CA2: variants seen among roughly 807,000 people sequenced by gnomAD.
CA2 encodes the protein carbonate dehydratase II.
Under a neutral mutation model 27.8 loss-of-function variants are expected in CA2, and 23 were observed. That is an observed-to-expected ratio of 0.83 (90% CI 0.59 to 1.17). CA2 has a LOEUF of 1.17. Ranked by LOEUF, CA2 falls within the 50% of genes most tolerant of loss-of-function variation. The pLI is 0.00. For synonymous variants in CA2, 99 were observed against 114.9 expected, an observed-to-expected ratio of 0.86 and a Z score of 0.88; for missense variants, 300 against 314.7, an observed-to-expected ratio of 0.95 and a Z score of 0.35.
chr8:85,474,270 T>C, intron 3 of CA2, 54 bp from the exon 4 acceptor site: 2 of 1,235,100 alleles, frequency 1.6e-6, no homozygotes. Flanking sequence ...GAATAAAATC[T>C]GTCAGCTTTG....
At chr8:85,475,196 A>C (rs919143379) in intron 4 of CA2, among the ~76,000 whole-genome samples, 1 of 151,776 alleles carries the variant, frequency 6.6e-6, no homozygotes, top group Non-Finnish European at 1.5e-5. Context: ...ACAAACAAAA[A>C]AACAAAACAA....
intron 2 of CA2, 74 bp from the exon 3 acceptor site, chr8:85,473,615 ATGTG>A (rs1811741433): frequency 1.4e-6 from 1 of 738,534 alleles, no homozygotes; most frequent in Non-Finnish European, 2.5e-6. Flanking sequence ...GTGTGTATGT[ATGTG>A]TGTATACCTA....
chr8:85,476,455 T>C (rs1335714178), intron 5 of CA2, among the ~76,000 whole-genome samples: 1 of 152,222 alleles, frequency 6.6e-6, no homozygotes, highest in Non-Finnish European at 1.5e-5. Flanking sequence ...TGAAGCAGCA[T>C]CTATCCTCTG....
intron 6 of CA2, among the ~76,000 whole-genome samples, chr8:85,479,063 C>T (rs1811848548): frequency 6.6e-6 from 1 of 152,152 alleles, no homozygotes; most frequent in Admixed American, 6.6e-5. Context: ...AGGTTTACCC[C>T]ACTGAGGCTT....
intron 2 of CA2, among the ~76,000 whole-genome samples, chr8:85,468,635 C>G (rs925787632): frequency 2.0e-5 from 3 of 152,064 alleles, no homozygotes; most frequent in African/African-American, 4.8e-5. Flanking sequence ...TGGCATGTGC[C>G]TGTAATCCCA....
rs186437298 is a variant in CA2, at chr8:85,475,798, G to A, written c.445G>A (p.Val149Ile). Residue 149 changes from valine to isoleucine, a missense_variant and splice_region_variant, in exon 5 of 7, where the codon GTT becomes ATT. Val to Ile is a conservative substitution (Grantham distance 29). Transcript: ENST00000285379. ...GLAVLGIFLK[V>I]GSAKPGLQKV... ...TCTTGCCCTTTATGTTTTTCTTTAG[G>A]TTGGCAGCGCTAAACCGGGCCTTCA... 6.2e-6 allele frequency: 10 copies of A among 1,613,762 alleles called. No homozygotes were observed. In the Admixed American group the frequency reaches 1.5e-4, roughly 24 times the overall value.
At chr8:85,466,815 T>C (rs578055516) in intron 2 of CA2, among the ~76,000 whole-genome samples, 2 of 152,346 alleles carry the variant, frequency 1.3e-5, no homozygotes, top group Middle Eastern at 6.8e-3. Flanking sequence ...TTCCCAAGCA[T>C]TCCTCTCACT....
intron 3 of CA2, 37 bp from the exon 4 acceptor site, chr8:85,474,287 T>G (rs1241172991): frequency 7.0e-7 from 1 of 1,418,926 alleles, no homozygotes. Context: ...TTTGATTATG[T>G]AAATCACTCA....
chr8:85,464,168 CCCCG>C, intron 1 of CA2, 53 bp downstream of exon 1: 5 of 1,481,586 alleles, frequency 3.4e-6, no homozygotes, highest in Non-Finnish European at 3.6e-6. Flanking sequence ...GATCCCCGAT[CCCCG>C]ATCCCCGAGC....
At chr8:85,469,714 T>C (rs1372346437) in intron 2 of CA2, among the ~76,000 whole-genome samples, 1 of 152,216 alleles carries the variant, frequency 6.6e-6, no homozygotes, top group East Asian at 1.9e-4. Flanking sequence ...TAGGGACAAA[T>C]ATTGAAAGTC....
chr8:85,477,542 G>A (rs899528014), intron 6 of CA2, among the ~76,000 whole-genome samples: 2 of 95,560 alleles, frequency 2.1e-5, no homozygotes, highest in Non-Finnish European at 4.1e-5. Flanking sequence ...CCTAATAAAT[G>A]CCTTTTTTTT....
intron 6 of CA2, among the ~76,000 whole-genome samples, chr8:85,478,595 T>C (rs965432127): frequency 2.6e-5 from 4 of 152,186 alleles, no homozygotes; most frequent in African/African-American, 9.7e-5. Context: ...GAAATACACA[T>C]ATAGATAAGG....
intron 2 of CA2, among the ~76,000 whole-genome samples, chr8:85,471,530 C>G (rs1206728490): frequency 1.3e-5 from 2 of 151,968 alleles, no homozygotes; most frequent in Non-Finnish European, 2.9e-5. Context: ...CAGCAATAAA[C>G]TTTATTCTCC....
chr8:85,477,305 G>A lies in CA2; in HGVS notation c.663+30G>A, dbSNP rs370941974. 239 of 1,613,678 alleles carry A rather than the reference G, an allele frequency of 1.5e-4. No homozygotes were observed. In the Middle Eastern group the frequency reaches 1.8e-3, roughly 12 times the overall value. On this transcript the variant is annotated intron_variant, in intron 6 of 6. Transcript: ENST00000285379. Reference sequence around the variant, plus strand: ...GTTTTGTAATGACAGGTCTGTTTACGGGTGGAGCATTTAGTCAAGGCAGAA... The same window carrying A: ...GTTTTGTAATGACAGGTCTGTTTACAGGTGGAGCATTTAGTCAAGGCAGAA...
chr8:85,474,436 C>CA lies in CA2; in HGVS notation c.444+20_444+21insA. ...TTGAAGGTTAGTTGATGACCCAATT[C>CA]TTTTTTTTCCCTATTTTTAATAAAG... On this transcript the variant is annotated intron_variant, in intron 4 of 6. Transcript: ENST00000285379. 6.6e-7 allele frequency: 1 copy of CA among 1,519,234 alleles called. No homozygotes were observed. The highest frequency in any genetic ancestry group is 9.1e-7 in the Non-Finnish European group (1 of 1,093,628). 94.1% of individuals were successfully genotyped at this position (1,519,234 alleles called of 1,614,324 possible). A position where few individuals can be genotyped will look rare whatever the true frequency, so the allele number is the denominator to read the frequency against.
chr8:85,480,222 C>A (rs565011672), intron 6 of CA2, among the ~76,000 whole-genome samples: 1 of 152,228 alleles, frequency 6.6e-6, no homozygotes, highest in East Asian at 1.9e-4. Context: ...GCCATTGATG[C>A]ACAGCACTGA....
intron 2 of CA2, among the ~76,000 whole-genome samples, chr8:85,473,040 TAAA>T (rs11306712): frequency 4.9e-5 from 7 of 143,350 alleles, no homozygotes; most frequent in South Asian, 2.1e-4. Flanking sequence ...AAATAAATAA[TAAA>T]AAAAATTAAG....
chr8:85,468,897 T>C (rs566727983), intron 2 of CA2, among the ~76,000 whole-genome samples: 45 of 151,662 alleles, frequency 3.0e-4, no homozygotes, highest in South Asian at 6.2e-4. Flanking sequence ...AGAATAGAGA[T>C]ACTCTAGTTA....
intron 6 of CA2, among the ~76,000 whole-genome samples, chr8:85,479,118 C>T (rs76532909): frequency 6.7e-6 from 1 of 149,216 alleles, no homozygotes; most frequent in Non-Finnish European, 1.5e-5. Context: ...TATGGGGGGG[C>T]GTGGATTTTA....
Sources: gnomAD v4.1 joint callset for allele counts (sites outside exome capture counted in the v4.1 genomes callset) on GRCh38, gnomAD v4.1.1 for gene constraint, MANE v1.5 for transcripts, NCBI Gene and HGNC (gene_info 2026-07-23, HGNC 2026-07-21) for gene names.